ZNF260: variants seen among roughly 807,000 people sequenced by gnomAD.
The protein encoded by ZNF260 is zfp-260.
ZNF260 carries 21 observed loss-of-function variants against 29.3 expected under a neutral mutation model. The observed-to-expected ratio is 0.72, with a 90% CI of 0.51 to 1.03. The LOEUF (loss-of-function observed/expected upper bound fraction) is 1.03. Among genes scored for constraint, ZNF260 ranks in the 50% least tolerant of loss-of-function variants. The pLI is 0.00. For missense variants in ZNF260, 465 were observed against 487.8 expected, an observed-to-expected ratio of 0.95 and a Z score of 0.44; for synonymous variants, 156 against 156.8, an observed-to-expected ratio of 0.99 and a Z score of 0.04.
chr19:36,522,629 A>G (rs961538531), intron 2 of ZNF260, among the ~76,000 whole-genome samples: 1 of 151,650 alleles, frequency 6.6e-6, no homozygotes, highest in African/African-American at 2.4e-5. Context: ...AAAGACTTAA[A>G]TATTAACCAT....
chr19:36,518,748 A>C (rs1421565659), intron 2 of ZNF260, among the ~76,000 whole-genome samples: 1 of 152,222 alleles, frequency 6.6e-6, no homozygotes. Flanking sequence ...TAGCAGGCCC[A>C]TTGAGTACAA....
chr19:36,513,496 T>C lies in ZNF260; in HGVS notation c.*504A>G. 2.7e-6 allele frequency: 1 copy of C among 367,180 alleles called. No individual in the cohort carries two copies. The highest frequency in any genetic ancestry group is 3.9e-5 in the East Asian group (1 of 25,380). 22.7% of individuals were successfully genotyped at this position (367,180 alleles called of 1,614,324 possible). ...CCATGATTTCCCCACCAATCTGGGA[T>C]ACCGCCTCTATCAATTACCAATTCC... On this transcript the variant is annotated 3_prime_UTR_variant, in exon 3 of 3. Transcript: ENST00000523638.
intron 2 of ZNF260, among the ~76,000 whole-genome samples, chr19:36,523,966 G>C (rs1418779818): frequency 6.6e-6 from 1 of 151,998 alleles, no homozygotes; most frequent in Non-Finnish European, 1.5e-5. Context: ...AAAAGCAGGA[G>C]GTGACATAGT....
intron 2 of ZNF260, among the ~76,000 whole-genome samples, chr19:36,519,045 A>G (rs1220175355): frequency 6.6e-6 from 1 of 152,074 alleles, no homozygotes; most frequent in Non-Finnish European, 1.5e-5. Flanking sequence ...AAAAAAAAAA[A>G]TCCTAAATGT....
intron 2 of ZNF260, among the ~76,000 whole-genome samples, chr19:36,523,541 TATA>T: frequency 6.6e-6 from 1 of 151,978 alleles, no homozygotes; most frequent in Non-Finnish European, 1.5e-5. Flanking sequence ...TTCTATCAAG[TATA>T]CATATTAAAT....
In ZNF260 at chr19:36,510,915, T is replaced by A. The variant is rs1039896904; in HGVS notation, c.*3085A>T. ...AGTCCTGGTTTGGTCTGAATTTGAG[T>A]CCTAGTTATTCTGGTGACTTCAAGG... On this transcript the variant is annotated 3_prime_UTR_variant, in exon 3 of 3. Transcript: ENST00000523638. 3.3e-5 allele frequency: 5 copies of A among 152,258 alleles called. No homozygotes were observed. Among genetic ancestry groups the A allele is most frequent in the Non-Finnish European group, 7.4e-5 (5 of 68,016 alleles). 9.4% of individuals were successfully genotyped at this position (152,258 alleles called of 1,614,324 possible).
chr19:36,514,531 A>G lies in ZNF260; in HGVS notation c.708T>C (p.Ile236=). The change falls in exon 3 of 3, where the codon ATT becomes ATC. Residue 236 remains isoleucine (I), a synonymous_variant. Coordinates refer to ENST00000523638, the MANE Select transcript of ZNF260 (RefSeq NM_001166037.2). ...CTCCTGTGTGACTTCTCTGGTGTCT[A>G]ATGAGGCTTGACTTCTGAATGAAAG... ...GKAFIQKSSL[I]RHQRSHTGEK... is the part of the protein sequence containing the mutation. 1 of 1,613,926 alleles carries G rather than the reference A, an allele frequency of 6.2e-7. No homozygotes were observed. Among genetic ancestry groups the G allele is most frequent in the Non-Finnish European group, 8.5e-7 (1 of 1,179,968 alleles).
chr19:36,520,082 C>G (rs1481120691), intron 2 of ZNF260, among the ~76,000 whole-genome samples: 1 of 150,842 alleles, frequency 6.6e-6, no homozygotes, highest in East Asian at 1.9e-4. Flanking sequence ...GCCTGTAATC[C>G]CAGCTACTCG....
chr19:36,527,823 A>C (rs1035326908), intron 1 of ZNF260, among the ~76,000 whole-genome samples: 1 of 152,140 alleles, frequency 6.6e-6, no homozygotes, highest in Non-Finnish European at 1.5e-5. Flanking sequence ...ATAAAAAATC[A>C]CCTTTAAAAT....
At chr19:36,521,628 CTGTAAATTCCAGCT>C (rs2034647095) in intron 2 of ZNF260, among the ~76,000 whole-genome samples, 2 of 151,974 alleles carry the variant, frequency 1.3e-5, no homozygotes, top group African/African-American at 4.8e-5. Context: ...TGGTGGGCAT[CTGTAAATTCCAGCT>C]ACTCAGGAGG....
intron 2 of ZNF260, among the ~76,000 whole-genome samples, chr19:36,520,169 A>G (rs1028356343): frequency 6.7e-6 from 1 of 149,212 alleles, no homozygotes; most frequent in African/African-American, 2.5e-5. Flanking sequence ...ACTGCACTCC[A>G]GCCTGGGCAA....
Position 36,514,100 on chromosome 19 carries a change from C to A in ZNF260, c.1139G>T (p.Arg380Ile), listed in dbSNP as rs1425179567. 4 of 1,614,110 alleles carry A rather than the reference C, an allele frequency of 2.5e-6. No individual in the cohort carries two copies. The African/African-American group carries it at 5.3e-5, about 22-fold the overall frequency. Residue 380 changes from arginine (R) to isoleucine (I), a missense_variant, in exon 3 of 3, where the codon AGA becomes ATA. Coordinates refer to ENST00000523638, the MANE Select transcript of ZNF260 (RefSeq NM_001166037.2). ...ATAAGGTTTTTCACCAGTATGGATTCTCATGTGCAGAGCAAGGGTTGAGAA... is the reference window on the plus strand; with the variant it reads ...ATAAGGTTTTTCACCAGTATGGATTATCATGTGCAGAGCAAGGGTTGAGAA... ...SQFSTLALHM[R>I]IHTGEKPYQC...
Position 36,514,701 on chromosome 19 carries a change from T to C in ZNF260, c.538A>G (p.Ile180Val). 1 of 1,613,996 alleles carries C rather than the reference T, an allele frequency of 6.2e-7. No homozygotes were observed. Reference sequence around the variant, plus strand: ...CCAGTATGGATGTTCTGATGTTTAATGAGGTATTGCTTCTGGCTGAAGGCT... The same window carrying C: ...CCAGTATGGATGTTCTGATGTTTAACGAGGTATTGCTTCTGGCTGAAGGCT... ...GRAFSQKQYL[I>V]KHQNIHTGKK... Residue 180 changes from isoleucine (I) to valine (V), a missense_variant, in exon 3 of 3, where the codon ATT becomes GTT. By Grantham distance (29) the Ile-to-Val change is conservative. Transcript: ENST00000523638.
intron 2 of ZNF260, among the ~76,000 whole-genome samples, chr19:36,521,462 T>C (rs2145751872): frequency 6.6e-6 from 1 of 152,314 alleles, no homozygotes; most frequent in East Asian, 1.9e-4. Context: ...GTTTAAAAAA[T>C]ATTCTCAGGA....
chr19:36,519,148 A>G (rs537975736), intron 2 of ZNF260, among the ~76,000 whole-genome samples: 13 of 152,376 alleles, frequency 8.5e-5, no homozygotes, highest in African/African-American at 2.6e-4. Context: ...AATCCTAACC[A>G]TAAGTTACTT....
chr19:36,520,234 G>A (rs1273003767), intron 2 of ZNF260, among the ~76,000 whole-genome samples: 9 of 147,174 alleles, frequency 6.1e-5, no homozygotes, highest in African/African-American at 1.5e-4. Context: ...AAAAAGGAAA[G>A]AAAAACAGAA....
intron 2 of ZNF260, chr19:36,517,984 C>G (rs1272587258): frequency 3.3e-5 from 5 of 152,476 alleles, no homozygotes; most frequent in Non-Finnish European, 5.8e-5. Context: ...TGCCCGCCAC[C>G]ACGCTCGGCT....
Position 36,514,717 on chromosome 19 carries a change from G to A in ZNF260, c.522C>T (p.Ser174=), listed in dbSNP as rs756815954. The change falls in exon 3 of 3, where the codon AGC becomes AGT. Residue 174 remains serine, a synonymous_variant. Coordinates refer to ENST00000523638, the MANE Select transcript of ZNF260 (RefSeq NM_001166037.2). ...GATGTTTAATGAGGTATTGCTTCTGGCTGAAGGCTCTTCCACACTGATTAC... is the reference window on the plus strand; with the variant it reads ...GATGTTTAATGAGGTATTGCTTCTGACTGAAGGCTCTTCCACACTGATTAC... ...FECNQCGRAF[S]QKQYLIKHQN... The A allele has an allele frequency of 1.9e-6, 3 of 1,613,576 alleles. No individual in the cohort carries two copies. Among genetic ancestry groups the A allele is most frequent in the Non-Finnish European group, 2.5e-6 (3 of 1,179,978 alleles).
rs56836606 is a variant in ZNF260 at position 36,525,589 on chromosome 19, C to T, written c.-680-216G>A. Among the ~76,000 whole-genome samples, 314 of 152,172 alleles carry T rather than the reference C, an allele frequency of 2.1e-3. 1 individual carries two copies. The highest frequency in any genetic ancestry group is 7.2e-3 in the African/African-American group (298 of 41,510). ...ATCACTTGAGATTAGGAGTTCGAGA[C>T]CCGCCTGGCCAACATGGTGAAACCC... is the stretch of plus-strand genomic sequence containing the variant. On this transcript the variant is annotated intron_variant, in intron 1 of 2. Coordinates refer to ENST00000523638, the MANE Select transcript of ZNF260 (RefSeq NM_001166037.2).
Sources: allele counts gnomAD v4.1 joint callset (sites outside exome capture counted in the v4.1 genomes callset), GRCh38; gene constraint gnomAD v4.1.1; transcripts MANE v1.5; gene names NCBI Gene and HGNC (gene_info 2026-07-23, HGNC 2026-07-21).